RBFOX1: variants seen among roughly 807,000 people sequenced by gnomAD.
RBFOX1 encodes RNA binding fox-1 homolog 1.
RBFOX1 carries 8 observed loss-of-function variants against 57.7 expected under a neutral mutation model. The observed-to-expected ratio is 0.14, with a 90% CI of 0.08 to 0.25. The LOEUF is 0.25. Among genes scored for constraint, RBFOX1 ranks in the 10% least tolerant of loss-of-function variants. RBFOX1 has a pLI of 1.00. For synonymous variants in RBFOX1, 326 were observed against 222.4 expected, an observed-to-expected ratio of 1.47 and a Z score of -4.15; for missense variants, 611 against 548.5, an observed-to-expected ratio of 1.11 and a Z score of -1.14.
intron 3 of RBFOX1, among the ~76,000 whole-genome samples, chr16:6,686,274 A>G (rs1319599372): frequency 6.6e-6 from 1 of 152,148 alleles, no homozygotes; most frequent in African/African-American, 2.4e-5. Flanking sequence ...ATTCATAGCA[A>G]TCGAAGGCGT....
intron 3 of RBFOX1, among the ~76,000 whole-genome samples, chr16:6,706,338 T>G (rs2062739932): frequency 6.6e-6 from 1 of 152,178 alleles, no homozygotes; most frequent in Non-Finnish European, 1.5e-5. Context: ...TGCAACTCAA[T>G]TATTAATGTG....
Position 7,024,799 on chromosome 16 carries a change from C to G in RBFOX1, c.-15-27258C>G, listed in dbSNP as rs376521048. Among the ~76,000 whole-genome samples, 13 of 152,336 alleles carry G rather than the reference C, an allele frequency of 8.5e-5. No individual in the cohort carries two copies. In the East Asian group the frequency reaches 1.4e-3, roughly 16 times the overall value. On this transcript the variant is annotated intron_variant, in intron 3 of 15. Transcript: ENST00000550418. ...TCAGAGCCATTCCCTGCAATTCCCT[C>G]TGGACCCTGTTGGATGTTAACCACG...
chr16:6,050,837 G>T (rs1038049005), intron 1 of RBFOX1, among the ~76,000 whole-genome samples: 14 of 151,638 alleles, frequency 9.2e-5, no homozygotes, highest in African/African-American at 3.4e-4. Context: ...CTAGTGACTG[G>T]AATTTTTGGT....
At chr16:6,381,606 A>T (rs898675966) in intron 2 of RBFOX1, among the ~76,000 whole-genome samples, 2 of 152,130 alleles carry the variant, frequency 1.3e-5, no homozygotes, top group African/African-American at 4.8e-5. Context: ...TACCTATTGG[A>T]TGTCAACTAT....
At chr16:7,402,211 C>G (rs1468339543) in intron 4 of RBFOX1, among the ~76,000 whole-genome samples, 1 of 152,084 alleles carries the variant, frequency 6.6e-6, no homozygotes, top group African/African-American at 2.4e-5. Flanking sequence ...TAAGTACTCA[C>G]TGAGTCTTGT....
intron 4 of RBFOX1, among the ~76,000 whole-genome samples, chr16:7,291,358 C>T (rs1365320620): frequency 6.6e-6 from 1 of 152,148 alleles, no homozygotes; most frequent in African/African-American, 2.4e-5. Context: ...AGCAAAGGAA[C>T]TTACCTAAGT....
intron 2 of RBFOX1, among the ~76,000 whole-genome samples, chr16:6,543,849 G>GA (rs1250726476): frequency 2.0e-5 from 3 of 152,164 alleles, no homozygotes; most frequent in South Asian, 4.2e-4. Context: ...ACACCTGCAT[G>GA]AAAAAAACCA....
chr16:5,768,533 G>T (rs1397484143), intron 3 of RBFOX1, among the ~76,000 whole-genome samples: 1 of 152,180 alleles, frequency 6.6e-6, no homozygotes. Flanking sequence ...CATTTTTCCA[G>T]TGTTTTCGGC....
At chr16:7,582,110 A>G (rs193233009) in intron 6 of RBFOX1, among the ~76,000 whole-genome samples, 19 of 151,162 alleles carry the variant, frequency 1.3e-4, no homozygotes, top group Non-Finnish European at 2.8e-4. Flanking sequence ...GCTCATTGCA[A>G]CCTTTCTCCT....
intron 3 of RBFOX1, among the ~76,000 whole-genome samples, chr16:6,684,937 C>T (rs563892726): frequency 6.6e-6 from 1 of 152,140 alleles, no homozygotes; most frequent in African/African-American, 2.4e-5. Context: ...TCTGGCTTTA[C>T]TTAGGGTGAT....
chr16:7,523,839 C>T (rs1440640535), intron 5 of RBFOX1, among the ~76,000 whole-genome samples: 1 of 152,182 alleles, frequency 6.6e-6, no homozygotes, highest in East Asian at 1.9e-4. Flanking sequence ...TCTACACCAG[C>T]AGAACGTGGT....
intron 4 of RBFOX1, among the ~76,000 whole-genome samples, chr16:5,969,671 C>T (rs900068879): frequency 6.6e-6 from 1 of 151,858 alleles, no homozygotes; most frequent in Non-Finnish European, 1.5e-5. Flanking sequence ...TCTTAGGTAG[C>T]TTATCTAACT....
At chr16:7,314,249 G>C (rs1444185982) in intron 4 of RBFOX1, among the ~76,000 whole-genome samples, 1 of 152,152 alleles carries the variant, frequency 6.6e-6, no homozygotes, top group Non-Finnish European at 1.5e-5. Flanking sequence ...AGGAAACGCA[G>C]TCACTGCCCG....
At chr16:7,239,935 T>G (rs1346738979) in intron 4 of RBFOX1, among the ~76,000 whole-genome samples, 1 of 152,174 alleles carries the variant, frequency 6.6e-6, no homozygotes, top group Non-Finnish European at 1.5e-5. Context: ...GTAATCAAAT[T>G]CCAAAACTTC....
chr16:5,506,003 G>C (rs1567172591), intron 2 of RBFOX1, among the ~76,000 whole-genome samples: 1 of 152,244 alleles, frequency 6.6e-6, no homozygotes, highest in Middle Eastern at 3.4e-3. Flanking sequence ...GTTAGGGAAG[G>C]AGGGAAGATG....
rs114979974 is a variant in RBFOX1 at position 6,613,275 on chromosome 16, A to T, written c.-63-41328A>T. Among the ~76,000 whole-genome samples, 1,499 of 152,084 alleles carry T rather than the reference A, an allele frequency of 9.9e-3. 28 individuals are homozygous for T. Among genetic ancestry groups the T allele is most frequent in the African/African-American group, 0.033 (1,382 of 41,472 alleles). On this transcript the variant is annotated intron_variant, in intron 2 of 15. Coordinates refer to ENST00000550418, the MANE Select transcript of RBFOX1 (RefSeq NM_018723.4). ...CTGTCATCTTTGCTAAAGGATTTTC[A>T]GGTTGGTTTGCAATAAGGGTAAACT...
intron 3 of RBFOX1, among the ~76,000 whole-genome samples, chr16:6,767,582 C>T (rs1268147130): frequency 6.6e-6 from 1 of 151,990 alleles, no homozygotes; most frequent in Non-Finnish European, 1.5e-5. Flanking sequence ...GCATTTGTGA[C>T]AGTATAAATC....
chr16:7,379,134 G>T (rs1157387113), intron 4 of RBFOX1, among the ~76,000 whole-genome samples: 1 of 152,134 alleles, frequency 6.6e-6, no homozygotes, highest in Non-Finnish European at 1.5e-5. Flanking sequence ...GTCATCACTT[G>T]TTGTTAATAG....
intron 1 of RBFOX1, among the ~76,000 whole-genome samples, chr16:5,402,152 G>A (rs1469486584): frequency 6.6e-6 from 1 of 152,116 alleles, no homozygotes; most frequent in Non-Finnish European, 1.5e-5. Context: ...GACCAGGAGC[G>A]GGAAGAGGAG....
Sources: allele counts gnomAD v4.1 joint callset (sites outside exome capture counted in the v4.1 genomes callset), GRCh38; gene constraint gnomAD v4.1.1; transcripts MANE v1.5; gene names NCBI Gene and HGNC (gene_info 2026-07-23, HGNC 2026-07-21).